PEBP4: variants seen among roughly 807,000 people sequenced by gnomAD.
The protein encoded by PEBP4 is phosphatidylethanolamine-binding protein 4.
PEBP4 carries 22 observed loss-of-function variants against 23.9 expected under a neutral mutation model. The observed-to-expected ratio is 0.92, with a 90% CI of 0.66 to 1.31. The LOEUF is 1.31. Among genes scored for constraint, PEBP4 ranks in the 40% most tolerant of loss-of-function variants. PEBP4 has a pLI of 0.00. For missense variants in PEBP4, 324 were observed against 281.7 expected (o/e 1.15, Z -1.07); for synonymous variants, 112 against 99.3 (o/e 1.13, Z -0.76).
At chr8:22,907,520 G>T (rs1808841805) in intron 3 of PEBP4, among the ~76,000 whole-genome samples, 1 of 151,918 alleles carries the variant, frequency 6.6e-6, no homozygotes, top group Non-Finnish European at 1.5e-5. Context: ...TCAAAAGACA[G>T]AAAAAAGAGA....
At chr8:22,809,732 T>C (rs1432017042) in intron 4 of PEBP4, among the ~76,000 whole-genome samples, 3 of 152,232 alleles carry the variant, frequency 2.0e-5, no homozygotes, top group African/African-American at 7.2e-5. Flanking sequence ...ATTTTCCTTC[T>C]TCCTCTCCCT....
intron 4 of PEBP4, among the ~76,000 whole-genome samples, chr8:22,732,450 G>A (rs151100739): frequency 3.7e-4 from 56 of 152,228 alleles, no homozygotes; most frequent in Admixed American, 2.7e-3. Context: ...AATAGCTAAC[G>A]CACACGGAAC....
At position 22,865,112 on chromosome 8, in the gene PEBP4, C is replaced by G. The variant is rs1807859416; in HGVS notation, c.259-47377G>C. ...GCCCTGGATGCGAGGTGGGGGTAGA[C>G]AGAAGGGCTGGGGCGGCCCGGGGAA... On this transcript the variant is annotated intron_variant, in intron 3 of 6. Transcript: ENST00000256404. The surrounding 1 kb of genome is among the most constrained non-coding windows in gnomAD (Gnocchi z 6.9). Among the ~76,000 whole-genome samples, 1 of 151,672 alleles carries G rather than the reference C, an allele frequency of 6.6e-6. No individual in the cohort carries two copies. Among genetic ancestry groups the G allele is most frequent in the Non-Finnish European group, 1.5e-5 (1 of 67,976 alleles).
chr8:22,846,864 T>C (rs1191421756), intron 3 of PEBP4, among the ~76,000 whole-genome samples: 1 of 151,884 alleles, frequency 6.6e-6, no homozygotes, highest in African/African-American at 2.4e-5. Flanking sequence ...AAAGGTGACA[T>C]AACAAAGGGG....
At chr8:22,941,037 A>T (rs1005701952) in intron 1 of PEBP4, among the ~76,000 whole-genome samples, 1 of 152,068 alleles carries the variant, frequency 6.6e-6, no homozygotes, top group Non-Finnish European at 1.5e-5. Flanking sequence ...AGGTAATCAG[A>T]GCCAGCGGAT....
intron 3 of PEBP4, among the ~76,000 whole-genome samples, chr8:22,909,259 T>C (rs10105461): frequency 0.013 from 1,917 of 152,266 alleles, 48 homozygotes; most frequent in African/African-American, 0.044. Flanking sequence ...ACCTAAGACG[T>C]GGGTCCAGGG....
chr8:22,750,284 T>C (rs922458235), intron 4 of PEBP4, among the ~76,000 whole-genome samples: 1 of 151,708 alleles, frequency 6.6e-6, no homozygotes, highest in African/African-American at 2.4e-5. Flanking sequence ...GTATTTTTAG[T>C]AGAGACGGGG....
intron 3 of PEBP4, among the ~76,000 whole-genome samples, chr8:22,848,386 C>T (rs1295628520): frequency 1.3e-5 from 2 of 151,628 alleles, no homozygotes; most frequent in Non-Finnish European, 2.9e-5. Flanking sequence ...AGGGTGGTGG[C>T]GATGTGGGCT....
At chr8:22,879,770 G>A (rs948616002) in intron 3 of PEBP4, among the ~76,000 whole-genome samples, 1 of 152,178 alleles carries the variant, frequency 6.6e-6, no homozygotes, top group African/African-American at 2.4e-5. Context: ...ACAAACATCT[G>A]CAGCAGCAAT....
At chr8:22,897,268 T>C (rs369425311) in intron 3 of PEBP4, among the ~76,000 whole-genome samples, 4 of 152,294 alleles carry the variant, frequency 2.6e-5, no homozygotes, top group South Asian at 2.1e-4. Context: ...ACAGATCACA[T>C]TGTAAGCTGC....
chr8:22,728,516 C>T (rs1804662220), intron 4 of PEBP4, among the ~76,000 whole-genome samples: 2 of 152,134 alleles, frequency 1.3e-5, no homozygotes, highest in Admixed American at 6.5e-5. Context: ...TTCCTTCATT[C>T]CTTGCTGGCT....
At chr8:22,788,221 G>A (rs1035331420) in intron 4 of PEBP4, among the ~76,000 whole-genome samples, 22 of 152,256 alleles carry the variant, frequency 1.4e-4, no homozygotes, top group African/African-American at 5.3e-4. Context: ...AGATGAAGGG[G>A]TTTCAAAATG....
intron 3 of PEBP4, among the ~76,000 whole-genome samples, chr8:22,883,161 C>A (rs1172554501): frequency 6.6e-6 from 1 of 151,968 alleles, no homozygotes; most frequent in Non-Finnish European, 1.5e-5. Flanking sequence ...CTATAGAAAG[C>A]AGGGATTATG....
chr8:22,786,893 T>C (rs1360965018), intron 4 of PEBP4, among the ~76,000 whole-genome samples: 1 of 151,764 alleles, frequency 6.6e-6, no homozygotes, highest in Non-Finnish European at 1.5e-5. Flanking sequence ...TCATCACGGC[T>C]CACTGCAGCA....
Position 22,795,163 on chromosome 8 carries a change from ATTTT to A in PEBP4, c.357+22470_357+22473del, listed in dbSNP as rs33911395. Among the ~76,000 whole-genome samples, 341 of 47,242 alleles carry A rather than the reference ATTTT, an allele frequency of 7.2e-3. 8 individuals carry two copies. The highest frequency in any genetic ancestry group is 0.029 in the African/African-American group (281 of 9,654). The allele number at this position is 47,242 out of a possible 152,430, so 31.0% of individuals were successfully genotyped here. A position where few individuals can be genotyped will look rare whatever the true frequency, so the allele number is the denominator to read the frequency against. ...TGTGTGTATATATATATATATATAT[ATTTT>A]TTTTTTTTTTTTTTTTTTTTTTTTT... On this transcript the variant is annotated intron_variant, in intron 4 of 6. Coordinates refer to ENST00000256404, the MANE Select transcript of PEBP4 (RefSeq NM_144962.3).
intron 4 of PEBP4, among the ~76,000 whole-genome samples, chr8:22,772,102 C>T (rs148400655): frequency 1.9e-4 from 29 of 152,326 alleles, no homozygotes; most frequent in African/African-American, 6.7e-4. Flanking sequence ...GTTCATCTGC[C>T]CTGCATCACT....
intron 3 of PEBP4, among the ~76,000 whole-genome samples, chr8:22,860,194 A>ATATATATATATACACATATATATG (rs1554492245): frequency 0.012 from 1,143 of 97,442 alleles, 19 homozygotes; most frequent in Non-Finnish European, 0.015. Context: ...ATATATATGT[A>ATATATATATATACACATATATATG]TATATATATA....
chr8:22,880,300 C>A (rs1585321038), intron 3 of PEBP4, among the ~76,000 whole-genome samples: 3 of 152,204 alleles, frequency 2.0e-5, no homozygotes, highest in African/African-American at 7.2e-5. Context: ...CTGCCATTTA[C>A]TTCACAGGGC....
chr8:22,909,873 C>A (rs1050699260), intron 3 of PEBP4, among the ~76,000 whole-genome samples: 1 of 152,120 alleles, frequency 6.6e-6, no homozygotes, highest in African/African-American at 2.4e-5. Context: ...AGCCTGGCCA[C>A]GTGGAGAATG....
Sources: allele counts gnomAD v4.1 joint callset (sites outside exome capture counted in the v4.1 genomes callset), GRCh38; gene constraint gnomAD v4.1.1; non-coding constraint Gnocchi (gnomAD v3.1); transcripts MANE v1.5; gene names NCBI Gene and HGNC (gene_info 2026-07-23, HGNC 2026-07-21).